The following DSCAM variants were observed in gnomAD, a reference collection of about 807,000 sequenced individuals.
The protein encoded by DSCAM is cell adhesion molecule DSCAM.
DSCAM carries 47 observed loss-of-function variants against 217.7 expected under a neutral mutation model. The observed-to-expected ratio is 0.22, with a 90% CI of 0.17 to 0.28. The LOEUF is 0.28. DSCAM is among the 10% of genes least tolerant of loss of function. DSCAM has a pLI of 1.00. For synonymous variants in DSCAM, 1,056 were observed against 1,015.3 expected, an observed-to-expected ratio of 1.04 and a Z score of -0.76; for missense variants, 2,080 against 2,618.3, an observed-to-expected ratio of 0.79 and a Z score of 4.49.
In DSCAM at chr21:40,777,331, C is replaced by T. The variant is rs568932488; in HGVS notation, c.44-68560G>A. ...TACAACATATAAATTTGGTGGGAGC[C>T]GAAAACCTTCAGACAACAGCACATC... On this transcript the variant is annotated intron_variant, in intron 1 of 32. Transcript: ENST00000400454. Among the ~76,000 whole-genome samples, 5 of 152,220 alleles carry T rather than the reference C, an allele frequency of 3.3e-5. No homozygotes were observed. In the East Asian group the frequency reaches 5.8e-4, roughly 18 times the overall value.
At chr21:40,157,723 C>G (rs1400429266) in intron 16 of DSCAM, among the ~76,000 whole-genome samples, 2 of 150,932 alleles carry the variant, frequency 1.3e-5, no homozygotes, top group African/African-American at 2.4e-5. Context: ...CTGAGACAGT[C>G]TCGCCTTGTC....
intron 11 of DSCAM, among the ~76,000 whole-genome samples, chr21:40,199,018 G>C (rs1461809393): frequency 6.6e-6 from 1 of 152,140 alleles, no homozygotes; most frequent in Non-Finnish European, 1.5e-5. Flanking sequence ...TTGAGCAGGA[G>C]GGGAATAAGA....
chr21:40,194,976 T>C (rs555149205), intron 11 of DSCAM, among the ~76,000 whole-genome samples: 1 of 152,336 alleles, frequency 6.6e-6, no homozygotes, highest in East Asian at 1.9e-4. Flanking sequence ...TGTTTCACTA[T>C]ATTAATAATT....
chr21:40,714,766 G>A (rs1003716935), intron 1 of DSCAM, among the ~76,000 whole-genome samples: 10 of 152,274 alleles, frequency 6.6e-5, no homozygotes, highest in East Asian at 1.9e-4. Context: ...TGGGGTACTG[G>A]GATTCAATGA....
At chr21:40,548,524 G>C (rs200622006) in intron 3 of DSCAM, among the ~76,000 whole-genome samples, 1 of 127,088 alleles carries the variant, frequency 7.9e-6, no homozygotes, top group Admixed American at 8.1e-5. Flanking sequence ...ATATATATAT[G>C]TACAATATAA....
chr21:40,845,973 G>A (rs1009376076), intron 1 of DSCAM, among the ~76,000 whole-genome samples: 1 of 149,346 alleles, frequency 6.7e-6, no homozygotes, highest in Non-Finnish European at 1.5e-5. Flanking sequence ...AATATTCACT[G>A]ATTTCATTTT....
At chr21:40,182,673 G>A (rs112122575) in intron 14 of DSCAM, among the ~76,000 whole-genome samples, 2,181 of 28,094 alleles carry the variant, frequency 0.078, 8 homozygotes, top group Middle Eastern at 0.22. Context: ...CGTGGACAGG[G>A]GGGGGTTACC....
chr21:40,164,211 G>A (rs2090569824), intron 16 of DSCAM, among the ~76,000 whole-genome samples: 1 of 152,196 alleles, frequency 6.6e-6, no homozygotes, highest in South Asian at 2.1e-4. Context: ...ATTGCACTCT[G>A]GGGATTCCCA....
At chr21:40,457,462 C>A (rs1490163154) in intron 3 of DSCAM, among the ~76,000 whole-genome samples, 2 of 151,942 alleles carry the variant, frequency 1.3e-5, no homozygotes, top group Non-Finnish European at 2.9e-5. Flanking sequence ...TAGTGAGCCA[C>A]AGTTGCACCA....
intron 3 of DSCAM, among the ~76,000 whole-genome samples, chr21:40,455,494 C>T (rs1160335577): frequency 3.9e-5 from 6 of 152,272 alleles, no homozygotes; most frequent in African/African-American, 1.2e-4. Flanking sequence ...AAGCCAGGCA[C>T]GGTGGCTCAC....
At chr21:40,574,706 ATTTT>A (rs35778831) in intron 3 of DSCAM, among the ~76,000 whole-genome samples, 12 of 127,594 alleles carry the variant, frequency 9.4e-5, no homozygotes, top group Admixed American at 3.2e-4. Flanking sequence ...AAGGTGCCTG[ATTTT>A]TTTTTTTTTT....
chr21:40,765,404 A>G (rs2123358252), intron 1 of DSCAM, among the ~76,000 whole-genome samples: 1 of 152,134 alleles, frequency 6.6e-6, no homozygotes, highest in Middle Eastern at 3.4e-3. Flanking sequence ...CAGACTTAGC[A>G]CTTCCTCCAG....
chr21:40,419,985 A>G (rs2075407637), intron 3 of DSCAM, among the ~76,000 whole-genome samples: 1 of 152,294 alleles, frequency 6.6e-6, no homozygotes, highest in Middle Eastern at 3.4e-3. Context: ...TACTGAAGGA[A>G]TGCTTTTGAG....
At chr21:40,720,438 C>T (rs2090889161) in intron 1 of DSCAM, among the ~76,000 whole-genome samples, 1 of 152,128 alleles carries the variant, frequency 6.6e-6, no homozygotes, top group Non-Finnish European at 1.5e-5. Context: ...TCCAAGGCTT[C>T]TATGAAGTGA....
chr21:40,364,707 TAC>T (rs1338735822), intron 4 of DSCAM, among the ~76,000 whole-genome samples: 12 of 119,670 alleles, frequency 1.0e-4, no homozygotes, highest in Non-Finnish European at 2.2e-4. Flanking sequence ...TATATATATA[TAC>T]ACACACAGTA....
chr21:40,719,194 A>T lies in DSCAM; in HGVS notation c.44-10423T>A, dbSNP rs2090875735. Among the ~76,000 whole-genome samples the T allele has an allele frequency of 2.0e-5, 3 of 152,238 alleles. No individual in the cohort carries two copies. In the South Asian group the frequency reaches 6.2e-4, roughly 32 times the overall value. ...AAGGCCAATATATAAATGGCCAATA[A>T]GCACATTAAAAAGTGCTTCAATGCC... On this transcript the variant is annotated intron_variant, in intron 1 of 32. Transcript: ENST00000400454.
intron 11 of DSCAM, among the ~76,000 whole-genome samples, chr21:40,254,981 G>A (rs549270956): frequency 1.2e-3 from 179 of 152,162 alleles, no homozygotes; most frequent in Non-Finnish European, 2.1e-3. Context: ...TATAAGCTCC[G>A]TGTGGGTAAA....
intron 3 of DSCAM, among the ~76,000 whole-genome samples, chr21:40,557,737 C>A (rs999589924): frequency 6.6e-6 from 1 of 152,146 alleles, no homozygotes; most frequent in Non-Finnish European, 1.5e-5. Context: ...TGCAGATGCT[C>A]AATCTTAAAC....
At chr21:40,592,366 A>AT (rs973623513) in intron 3 of DSCAM, among the ~76,000 whole-genome samples, 7 of 152,164 alleles carry the variant, frequency 4.6e-5, no homozygotes, top group African/African-American at 1.7e-4. Context: ...TGTATGTCTT[A>AT]TTTTTAATAA....
Sources: allele counts gnomAD v4.1 joint callset (sites outside exome capture counted in the v4.1 genomes callset), GRCh38; gene constraint gnomAD v4.1.1; transcripts MANE v1.5; gene names NCBI Gene and HGNC (gene_info 2026-07-23, HGNC 2026-07-21).